Variants in SEC61A2 observed in about 807,000 individuals in gnomAD.
SEC61A2 encodes protein transport protein Sec61 subunit alpha isoform 2.
SEC61A2 carries 28 observed loss-of-function variants against 59.9 expected under a neutral mutation model. The observed-to-expected ratio is 0.47, with a 90% confidence interval of 0.35 to 0.64. The LOEUF is 0.64. Among genes scored for constraint, SEC61A2 ranks in the 30% least tolerant of loss-of-function variants. The pLI is 0.01. For missense variants in SEC61A2, 340 were observed against 585.9 expected, an observed-to-expected ratio of 0.58 and a Z score of 4.33; for synonymous variants, 202 against 214.4, an observed-to-expected ratio of 0.94 and a Z score of 0.50.
intron 2 of SEC61A2, among the ~76,000 whole-genome samples, chr10:12,135,655 A>T (rs1458554243): frequency 6.6e-6 from 1 of 152,066 alleles, no homozygotes; most frequent in Non-Finnish European, 1.5e-5. Flanking sequence ...GTCATTCCAT[A>T]TTCTATGTCC....
Position 12,156,832 on chromosome 10 carries a change from T to G in SEC61A2, c.617-75T>G. 1 of 1,498,820 alleles carries G rather than the reference T, an allele frequency of 6.7e-7. No homozygotes were observed. The highest frequency in any genetic ancestry group is 9.1e-7 in the Non-Finnish European group (1 of 1,096,956). 92.8% of individuals were successfully genotyped at this position (1,498,820 alleles called of 1,614,324 possible). On this transcript the variant is annotated intron_variant, in intron 7 of 11. Transcript: ENST00000298428. This position sits in a 1 kb window ranked among gnomAD's most constrained non-coding sequence, Gnocchi z 5.2. ...ATATTTTCTGCTGTATACTGGACTTTCACGGTTAGTTGTTTGAGCTTTGGG... is the reference window on the plus strand; with the variant it reads ...ATATTTTCTGCTGTATACTGGACTTGCACGGTTAGTTGTTTGAGCTTTGGG...
downstream of SEC61A2, chr10:12,167,106 C>T (rs182425573): frequency 8.1e-5 from 13 of 159,724 alleles, no homozygotes; most frequent in African/African-American, 2.9e-4. Flanking sequence ...TGGAGTCAAC[C>T]GTTTTCCTTA....
rs1325929318 is a variant in SEC61A2, at chr10:12,155,680, T to C, written c.463-98T>C. 3 of 1,425,930 alleles carry C rather than the reference T, an allele frequency of 2.1e-6. No homozygotes were observed. The South Asian group carries it at 3.7e-5, about 18-fold the overall frequency. 88.3% of individuals were successfully genotyped at this position (1,425,930 alleles called of 1,614,324 possible). A position where few individuals can be genotyped will look rare whatever the true frequency, so the allele number is the denominator to read the frequency against. On this transcript the variant is annotated intron_variant, in intron 6 of 11. Transcript: ENST00000298428. This position sits in a 1 kb window ranked among gnomAD's most constrained non-coding sequence, Gnocchi z 4.3. ...AGATTGCAACGATCAGGCCTTAATATTCAAAACGCCCCTAGCTTGGAAATA... is the reference window on the plus strand; with the variant it reads ...AGATTGCAACGATCAGGCCTTAATACTCAAAACGCCCCTAGCTTGGAAATA...
In SEC61A2 at chr10:12,156,363, A is replaced by G. The variant is rs1834396338; in HGVS notation, c.616+432A>G. ...TCTAATTGGCTTTGTAATAGCACCAAAGTTTTGAAATATTTCATTCTCTCT... is the reference window on the plus strand; with the variant it reads ...TCTAATTGGCTTTGTAATAGCACCAGAGTTTTGAAATATTTCATTCTCTCT... On this transcript the variant is annotated intron_variant, in intron 7 of 11. Transcript: ENST00000298428. This position sits in a 1 kb window ranked among gnomAD's most constrained non-coding sequence, Gnocchi z 5.2. Among the ~76,000 whole-genome samples, 1 of 152,118 alleles carries G rather than the reference A, an allele frequency of 6.6e-6. No individual in the cohort carries two copies.
intron 4 of SEC61A2, among the ~76,000 whole-genome samples, chr10:12,147,715 G>A (rs1035926950): frequency 6.6e-6 from 1 of 151,458 alleles, no homozygotes; most frequent in African/African-American, 2.4e-5. Context: ...TATACATGTA[G>A]CATTTGTTTT....
Position 12,154,261 on chromosome 10 carries a change from T to C in SEC61A2, c.463-1517T>C, listed in dbSNP as rs1204987340. Among the ~76,000 whole-genome samples the C allele has an allele frequency of 1.3e-5, 2 of 152,238 alleles. No individual in the cohort carries two copies. Among genetic ancestry groups the C allele is most frequent in the Non-Finnish European group, 2.9e-5 (2 of 68,044 alleles). ...ATAGAAACCGTTTCTCATTTCTGTA[T>C]AATTTCTTCCTCCCTTTGGAAAAAC... On this transcript the variant is annotated intron_variant, in intron 6 of 11. Transcript: ENST00000298428. This position sits in a 1 kb window ranked among gnomAD's most constrained non-coding sequence, Gnocchi z 5.2.
At chr10:12,165,523 T>C (rs1834650177), downstream of SEC61A2, 4 of 235,348 alleles carry the variant, frequency 1.7e-5, no homozygotes, top group Non-Finnish European at 2.8e-5. Flanking sequence ...TATTGACAGA[T>C]AGATAGATAG....
chr10:12,147,141 T>G (rs1437939128), intron 4 of SEC61A2, among the ~76,000 whole-genome samples: 1 of 152,220 alleles, frequency 6.6e-6, no homozygotes, highest in Non-Finnish European at 1.5e-5. Context: ...TCTGCCTGCC[T>G]CAGCTTCCTA....
intron 6 of SEC61A2, 81 bp downstream of exon 6, chr10:12,150,042 T>A: frequency 1.1e-6 from 1 of 870,718 alleles, no homozygotes. Context: ...TTTAGGTGAT[T>A]GGCTTATTCA....
chr10:12,139,392 G>A (rs1480744831), intron 3 of SEC61A2, among the ~76,000 whole-genome samples: 1 of 151,496 alleles, frequency 6.6e-6, no homozygotes, highest in Non-Finnish European at 1.5e-5. Context: ...GCTCACGCCT[G>A]TAATCCCAGC....
downstream of SEC61A2, chr10:12,169,132 TG>T (rs1176035144): frequency 6.9e-6 from 4 of 580,088 alleles, no homozygotes; most frequent in Non-Finnish European, 1.2e-5. The surrounding 1 kb of genome is among the most constrained non-coding windows in gnomAD (Gnocchi z 4.8). Flanking sequence ...ATAAACGGTT[TG>T]ATTACTGTAT....
chr10:12,156,870 G>A lies in SEC61A2; in HGVS notation c.617-37G>A, dbSNP rs188878855. ...TTTGAGCTTTGGGACAGCTTTGGAC[G>A]ATGAGTCCACAGGTCGTGTCTGTCT... On this transcript the variant is annotated intron_variant, in intron 7 of 11. Transcript: ENST00000298428. The surrounding 1 kb of genome is among the most constrained non-coding windows in gnomAD (Gnocchi z 5.2). 2.5e-4 allele frequency: 405 copies of A among 1,602,614 alleles called. 3 individuals carry two copies. In the African/African-American group the frequency reaches 4.9e-3, roughly 19 times the overall value.
At chr10:12,168,521 G>A (rs1432366310), downstream of SEC61A2, among the ~76,000 whole-genome samples, 12 of 151,942 alleles carry the variant, frequency 7.9e-5, no homozygotes, top group Admixed American at 7.9e-4. The surrounding 1 kb of genome is among the most constrained non-coding windows in gnomAD (Gnocchi z 4.8). Context: ...TGCATGTTAG[G>A]ACTGGAGATC....
rs1274830350 is a variant in SEC61A2 at position 12,157,848 on chromosome 10, G to GTCTC, written c.778-58_778-55dup. 3 of 1,488,524 alleles carry GTCTC rather than the reference G, an allele frequency of 2.0e-6. No individual in the cohort carries two copies. The Admixed American group carries it at 5.1e-5, about 25-fold the overall frequency. 92.2% of individuals were successfully genotyped at this position (1,488,524 alleles called of 1,614,324 possible). ...CACTGTTCTTTGTTTTCCCTCTCTG[G>GTCTC]TCTCTGTTCTTTTCTTAATGTGTCT... On this transcript the variant is annotated intron_variant, in intron 8 of 11. Transcript: ENST00000298428.
At chr10:12,169,288 AGAAG>A (rs746810448), downstream of SEC61A2, 2 of 1,554,924 alleles carry the variant, frequency 1.3e-6, no homozygotes, top group South Asian at 2.4e-5. The surrounding 1 kb of genome is among the most constrained non-coding windows in gnomAD (Gnocchi z 4.8). Flanking sequence ...GGTGGAAGGG[AGAAG>A]GAAGACATTT....
chr10:12,129,902 G>C lies in SEC61A2; in HGVS notation c.7+108G>C. The C allele has an allele frequency of 9.6e-7, 1 of 1,043,972 alleles. No homozygotes were observed. The highest frequency in any genetic ancestry group is 1.3e-6 in the Non-Finnish European group (1 of 795,028). 64.7% of individuals were successfully genotyped at this position (1,043,972 alleles called of 1,614,324 possible). A position where few individuals can be genotyped will look rare whatever the true frequency, so the allele number is the denominator to read the frequency against. Reference sequence around the variant, plus strand: ...TCGGAGTCGTGGGGGCCAGGGATGCGCGGGCCGCTCCGGGCCTCAGCGGAG... The same window carrying C: ...TCGGAGTCGTGGGGGCCAGGGATGCCCGGGCCGCTCCGGGCCTCAGCGGAG... On this transcript the variant is annotated intron_variant, in intron 1 of 11. Transcript: ENST00000298428. This position sits in a 1 kb window ranked among gnomAD's most constrained non-coding sequence, Gnocchi z 5.6.
At chr10:12,163,268 A>G (rs1834570386) in intron 11 of SEC61A2, among the ~76,000 whole-genome samples, 1 of 148,168 alleles carries the variant, frequency 6.7e-6, no homozygotes, top group Non-Finnish European at 1.5e-5. Context: ...CTCAACCTCC[A>G]GAGTAGCTTG....
chr10:12,141,850 T>C (rs1265505887), intron 3 of SEC61A2, among the ~76,000 whole-genome samples: 1 of 152,062 alleles, frequency 6.6e-6, no homozygotes, highest in Non-Finnish European at 1.5e-5. Flanking sequence ...CCCTGTTCTG[T>C]GAAAGGGCCA....
chr10:12,140,575 G>A (rs1474143870), intron 3 of SEC61A2, among the ~76,000 whole-genome samples: 3 of 152,220 alleles, frequency 2.0e-5, no homozygotes. Flanking sequence ...AAGGAAGGTC[G>A]TTGGGCGGAG....
Sources: allele counts gnomAD v4.1 joint callset (sites outside exome capture counted in the v4.1 genomes callset), GRCh38; gene constraint gnomAD v4.1.1; non-coding constraint Gnocchi (gnomAD v3.1); transcripts MANE v1.5; gene names NCBI Gene and HGNC (gene_info 2026-07-23, HGNC 2026-07-21).